The following AKIP1 variants were observed in gnomAD, a reference collection of about 807,000 sequenced individuals.
The protein encoded by AKIP1 is A-kinase-interacting protein 1.
In AKIP1, 18 loss-of-function variants were observed where a neutral mutation model predicts 22.3. The ratio of observed to expected loss-of-function variants is 0.81; its 90% CI spans 0.56 to 1.19. AKIP1 has a LOEUF of 1.19. AKIP1 is among the 50% of genes most tolerant of loss of function. The probability of loss-of-function intolerance (pLI) is 0.00; values close to 1 mark genes in which losing one functional copy is unlikely to be tolerated. For synonymous variants in AKIP1, 120 were observed against 102.7 expected (o/e 1.17, Z -1.02); for missense variants, 287 against 264.6 (o/e 1.08, Z -0.59).
chr11:8,911,681 G>A lies in AKIP1; in HGVS notation c.222+10G>A. 1 of 1,510,812 alleles carries A rather than the reference G, an allele frequency of 6.6e-7. No individual in the cohort carries two copies. The highest frequency in any genetic ancestry group is 1.3e-5 in the South Asian group (1 of 75,864). 93.6% of individuals were successfully genotyped at this position (1,510,812 alleles called of 1,614,324 possible). A position where few individuals can be genotyped will look rare whatever the true frequency, so the allele number is the denominator to read the frequency against. ...CGTTCTCCCGGGAGAGGTGAGGGTC[G>A]CTGTGCCGGGGGCCGCCCCAGTCCT... On this transcript the variant is annotated intron_variant, in intron 2 of 5. Coordinates refer to ENST00000309377, the MANE Select transcript of AKIP1 (RefSeq NM_020642.4).
At chr11:8,915,029 C>T (rs936850819) in intron 4 of AKIP1, 99 bp downstream of exon 4, 14 of 879,222 alleles carry the variant, frequency 1.6e-5, no homozygotes, top group Admixed American at 7.2e-5. Flanking sequence ...ACTGGATGCC[C>T]GTGTGACTTG....
chr11:8,919,312 T>C (rs1445403053), intron 5 of AKIP1, 25 bp from the exon 6 acceptor site: 2 of 1,604,078 alleles, frequency 1.2e-6, no homozygotes, highest in Non-Finnish European at 1.7e-6. Flanking sequence ...ATCTCTAAAC[T>C]GCTAATATCC....
At position 8,911,822 on chromosome 11, in the gene AKIP1, A is replaced by G. The variant is rs555367211; in HGVS notation, c.222+151A>G. ...AACAATGAATGGAAAAGTCCTTTCAAAACGCTTTACATTTGACAGATTCTT... is the reference window on the plus strand; with the variant it reads ...AACAATGAATGGAAAAGTCCTTTCAGAACGCTTTACATTTGACAGATTCTT... On this transcript the variant is annotated intron_variant, in intron 2 of 5. Transcript: ENST00000309377. 3 of 775,076 alleles carry G rather than the reference A, an allele frequency of 3.9e-6. No individual in the cohort carries two copies. The Admixed American group carries it at 9.7e-5, about 25-fold the overall frequency. 48.0% of individuals were successfully genotyped at this position (775,076 alleles called of 1,614,324 possible).
intron 2 of AKIP1, 86 bp downstream of exon 2, chr11:8,911,757 C>T: frequency 1.5e-6 from 2 of 1,300,580 alleles, no homozygotes; most frequent in Non-Finnish European, 2.1e-6. Context: ...GCAGAAGCAG[C>T]TGAGGAAACC....
chr11:8,916,144 CAG>C (rs1357640629), intron 4 of AKIP1, among the ~76,000 whole-genome samples: 8 of 151,974 alleles, frequency 5.3e-5, no homozygotes, highest in Non-Finnish European at 1.2e-4. Context: ...TTAATAGAGA[CAG>C]AGTTTCACCG....
intron 3 of AKIP1, among the ~76,000 whole-genome samples, chr11:8,914,192 A>G (rs1269825234): frequency 2.6e-5 from 4 of 152,194 alleles, no homozygotes; most frequent in African/African-American, 7.2e-5. Context: ...CTGTGATGTC[A>G]TTAGTCATTA....
chr11:8,915,428 A>G (rs1374040361), intron 4 of AKIP1, among the ~76,000 whole-genome samples: 43 of 140,674 alleles, frequency 3.1e-4, no homozygotes, highest in African/African-American at 9.9e-4. Context: ...CAGTGGAGCA[A>G]TCATGGCTTA....
rs150966123 is a variant in AKIP1 at position 8,911,541 on chromosome 11, G to A, written c.92G>A (p.Arg31Lys). Residue 31 changes from arginine (R) to lysine (K), a missense_variant, in exon 2 of 6, where the codon AGG (arginine) becomes AAG (lysine). By Grantham distance (26) the Arg-to-Lys change is conservative. Coordinates refer to ENST00000309377, the MANE Select transcript of AKIP1 (RefSeq NM_020642.4). ...SARLALEVLE[R>K]AKRRAVDWHA... ...AGGCTGGCTCTAGAAGTGCTGGAGA[G>A]GGCCAAGAGGAGGGCGGTGGACTGG... 4 of 1,610,866 alleles carry A rather than the reference G, an allele frequency of 2.5e-6. No homozygotes were observed. In the East Asian group the frequency reaches 6.7e-5, roughly 27 times the overall value.
rs2742515 is a variant in AKIP1 at position 8,917,477 on chromosome 11, T to C, written c.489+110T>C. On this transcript the variant is annotated intron_variant, in intron 5 of 5. Coordinates refer to ENST00000309377, the MANE Select transcript of AKIP1 (RefSeq NM_020642.4). The stretch of plus-strand genomic sequence containing the variant: ...GAATTGAGTCTATAGTATTTTTAAG[T>C]TGAGATGTTCTTACACTTAAGAAGG... The C allele has an allele frequency of 2.5e-3, 2,155 of 874,568 alleles. 21 individuals are homozygous for C. In the African/African-American group the frequency reaches 0.03, roughly 12 times the overall value. The allele number at this position is 874,568 out of a possible 1,614,324, so 54.2% of individuals were successfully genotyped here. A position where few individuals can be genotyped will look rare whatever the true frequency, so the allele number is the denominator to read the frequency against.
intron 5 of AKIP1, 83 bp downstream of exon 5, chr11:8,917,450 T>A: frequency 9.9e-7 from 1 of 1,011,172 alleles, no homozygotes. Flanking sequence ...AGAGGGCTAT[T>A]TGAATTGAGT....
At chr11:8,917,715 CCTG>C (rs1198013546) in intron 5 of AKIP1, 4 of 401,300 alleles carry the variant, frequency 1.0e-5, no homozygotes, top group African/African-American at 8.0e-5. Context: ...GCACGATCCT[CCTG>C]CTAACAAAGT....
At chr11:8,918,596 C>T (rs80120520) in intron 5 of AKIP1, among the ~76,000 whole-genome samples, 7,869 of 152,284 alleles carry the variant, frequency 0.052, 338 homozygotes, top group African/African-American at 0.11. Context: ...TACAGGCTCT[C>T]TTCTGGTTTG....
In AKIP1 at chr11:8,912,871, C is replaced by CTTTTTTTT. The variant is rs71059196; in HGVS notation, c.303+352_303+359dup. ...GTTAAATATTAGGGGTTTTTTTTAACTTTTTTTTTTTTTTTTTTTTTGAGA... is the reference window on the plus strand; with the variant it reads ...GTTAAATATTAGGGGTTTTTTTTAACTTTTTTTTTTTTTTTTTTTTTTTTTTTTTGAGA... On this transcript the variant is annotated intron_variant, in intron 3 of 5. Transcript: ENST00000309377. Among the ~76,000 whole-genome samples, 112 of 92,960 alleles carry CTTTTTTTT rather than the reference C, an allele frequency of 1.2e-3. 4 individuals carry two copies. Among genetic ancestry groups the CTTTTTTTT allele is most frequent in the East Asian group, 2.7e-3 (7 of 2,576 alleles). 61.0% of individuals were successfully genotyped at this position (92,960 alleles called of 152,430 possible). A position where few individuals can be genotyped will look rare whatever the true frequency, so the allele number is the denominator to read the frequency against.
chr11:8,915,684 G>A (rs2064473078), intron 4 of AKIP1, among the ~76,000 whole-genome samples: 1 of 150,192 alleles, frequency 6.7e-6, no homozygotes, highest in African/African-American at 2.5e-5. Context: ...TGTCACCCAA[G>A]GTGGAGTGCA....
rs549064086 is a variant in AKIP1, at chr11:8,912,861, T to G, written c.303+328T>G. ...TAGCAAATAAGTTAAATATTAGGGGTTTTTTTTAACTTTTTTTTTTTTTTT... is the reference window on the plus strand; with the variant it reads ...TAGCAAATAAGTTAAATATTAGGGGGTTTTTTTAACTTTTTTTTTTTTTTT... On this transcript the variant is annotated intron_variant, in intron 3 of 5. Coordinates refer to ENST00000309377, the MANE Select transcript of AKIP1 (RefSeq NM_020642.4). 1.8e-3 allele frequency among the ~76,000 whole-genome samples: 243 copies of G among 136,270 alleles called. 1 individual carries two copies. Among genetic ancestry groups the G allele is most frequent in the African/African-American group, 5.8e-3 (219 of 38,032 alleles). 89.4% of individuals were successfully genotyped at this position (136,270 alleles called of 152,430 possible).
chr11:8,913,723 T>C (rs906104806), intron 3 of AKIP1, among the ~76,000 whole-genome samples: 10 of 152,220 alleles, frequency 6.6e-5, no homozygotes, highest in Admixed American at 2.6e-4. Context: ...CAAAAAACTC[T>C]AATCTTTCTA....
rs750676735 is a variant in AKIP1 at position 8,912,433 on chromosome 11, C to T, written c.223-20C>T. 12 of 1,596,902 alleles carry T rather than the reference C, an allele frequency of 7.5e-6. No homozygotes were observed. The African/African-American group carries it at 9.4e-5, about 13-fold the overall frequency. On this transcript the variant is annotated intron_variant, in intron 2 of 5. Coordinates refer to ENST00000309377, the MANE Select transcript of AKIP1 (RefSeq NM_020642.4). ...AGGGAATCCTAGAGCTAACCTGTGA[C>T]GTGCCATTTATTCAAATAGAGAGAA...
chr11:8,911,771 C>A, intron 2 of AKIP1, 100 bp downstream of exon 2: 1 of 1,190,248 alleles, frequency 8.4e-7, no homozygotes, highest in Non-Finnish European at 1.1e-6. Flanking sequence ...GGAAACCTTC[C>A]CTTAGCGGAA....
intron 5 of AKIP1, among the ~76,000 whole-genome samples, chr11:8,918,484 T>C (rs2064521685): frequency 6.6e-6 from 1 of 152,216 alleles, no homozygotes; most frequent in Middle Eastern, 3.2e-3. Context: ...TAGTTTGGCT[T>C]TTCCTGTGTG....
Sources: allele counts gnomAD v4.1 joint callset (sites outside exome capture counted in the v4.1 genomes callset), GRCh38; gene constraint gnomAD v4.1.1; transcripts MANE v1.5; gene names NCBI Gene and HGNC (gene_info 2026-07-23, HGNC 2026-07-21).